The following CAMKMT variants were observed in gnomAD, a reference collection of about 807,000 sequenced individuals.
CAMKMT encodes the protein calmodulin-lysine N-methyltransferase.
CAMKMT carries 53 observed loss-of-function variants against 48.0 expected under a neutral mutation model. The observed-to-expected ratio is 1.10, with a 90% CI of 0.89 to 1.39. CAMKMT has a LOEUF of 1.39. CAMKMT is among the 40% of genes most tolerant of loss of function. The pLI is 0.00. For missense variants in CAMKMT, 428 were observed against 402.7 expected (o/e 1.06, Z -0.54); for synonymous variants, 165 against 152.3 (o/e 1.08, Z -0.61).
chr2:44,679,619 A>C (rs1288277864), intron 3 of CAMKMT, among the ~76,000 whole-genome samples: 2 of 152,242 alleles, frequency 1.3e-5, no homozygotes, highest in African/African-American at 2.4e-5. Flanking sequence ...CAGAAAACTA[A>C]TTTTAACGTT....
intron 3 of CAMKMT, among the ~76,000 whole-genome samples, chr2:44,403,905 C>G (rs187783205): frequency 6.6e-6 from 1 of 152,230 alleles, no homozygotes; most frequent in Admixed American, 6.5e-5. Context: ...TCTTTCTTCC[C>G]TAATTTCTGA....
At chr2:44,539,301 AC>A (rs1230271745) in intron 3 of CAMKMT, among the ~76,000 whole-genome samples, 12 of 144,414 alleles carry the variant, frequency 8.3e-5, no homozygotes, top group Admixed American at 5.5e-4. Context: ...AAAAAAAAAA[AC>A]CCAAAAAACT....
intron 2 of CAMKMT, among the ~76,000 whole-genome samples, chr2:44,388,731 A>G (rs919318873): frequency 2.0e-5 from 3 of 152,042 alleles, no homozygotes; most frequent in Non-Finnish European, 4.4e-5. Flanking sequence ...CCGTTTTCCT[A>G]TGGATGTGGC....
intron 3 of CAMKMT, among the ~76,000 whole-genome samples, chr2:44,678,200 A>T (rs1675824982): frequency 6.6e-6 from 1 of 152,208 alleles, no homozygotes; most frequent in Admixed American, 6.5e-5. Context: ...AAAATTTTTT[A>T]AATGCGTGAA....
chr2:44,633,848 G>T (rs955239320), intron 3 of CAMKMT, among the ~76,000 whole-genome samples: 36 of 151,986 alleles, frequency 2.4e-4, no homozygotes, highest in African/African-American at 6.5e-4. Context: ...ATTGTTGAGG[G>T]TCTGAATTTA....
chr2:44,669,981 C>A (rs546038132), intron 3 of CAMKMT, among the ~76,000 whole-genome samples: 1 of 152,256 alleles, frequency 6.6e-6, no homozygotes, highest in African/African-American at 2.4e-5. Flanking sequence ...TAATCAGCTA[C>A]TTTTCAATGA....
chr2:44,572,564 T>C (rs1668971776), intron 3 of CAMKMT, among the ~76,000 whole-genome samples: 1 of 152,252 alleles, frequency 6.6e-6, no homozygotes, highest in African/African-American at 2.4e-5. Context: ...TTCCGTCTGT[T>C]GGCTGTTACG....
intron 3 of CAMKMT, among the ~76,000 whole-genome samples, chr2:44,431,481 C>T (rs991578530): frequency 4.6e-5 from 7 of 152,100 alleles, no homozygotes; most frequent in South Asian, 2.1e-4. Flanking sequence ...TCTTCTTTCC[C>T]TGGTCTTTAT....
intron 3 of CAMKMT, among the ~76,000 whole-genome samples, chr2:44,451,878 G>T (rs1390060183): frequency 6.6e-6 from 1 of 151,270 alleles, no homozygotes; most frequent in Non-Finnish European, 1.5e-5. Context: ...TTTCTATTTT[G>T]ATTGTAATAG....
intron 3 of CAMKMT, among the ~76,000 whole-genome samples, chr2:44,517,513 C>G (rs1241751934): frequency 6.6e-6 from 1 of 152,188 alleles, no homozygotes; most frequent in African/African-American, 2.4e-5. Context: ...GCACAGAACT[C>G]TCTAATACCT....
intron 3 of CAMKMT, among the ~76,000 whole-genome samples, chr2:44,514,611 G>T (rs756297872): frequency 4.6e-5 from 7 of 152,190 alleles, no homozygotes; most frequent in Non-Finnish European, 1.5e-5. Flanking sequence ...GGCCAAGGAA[G>T]AACTATTGAG....
intron 3 of CAMKMT, among the ~76,000 whole-genome samples, chr2:44,534,887 C>G (rs1666683805): frequency 6.6e-6 from 1 of 151,680 alleles, no homozygotes; most frequent in Non-Finnish European, 1.5e-5. Context: ...CAAATCAGAA[C>G]TAAAGAATAT....
At chr2:44,692,964 C>T (rs1389602060) in intron 3 of CAMKMT, among the ~76,000 whole-genome samples, 2 of 152,132 alleles carry the variant, frequency 1.3e-5, no homozygotes, top group South Asian at 2.1e-4. Context: ...GTACATCATC[C>T]GCCCACTTAT....
intron 3 of CAMKMT, among the ~76,000 whole-genome samples, chr2:44,415,659 C>T (rs1683502745): frequency 6.6e-6 from 1 of 152,084 alleles, no homozygotes; most frequent in African/African-American, 2.4e-5. Flanking sequence ...AATGAAATCA[C>T]AGTTTAGAGA....
At chr2:44,679,504 T>C (rs193057131) in intron 3 of CAMKMT, among the ~76,000 whole-genome samples, 15 of 152,344 alleles carry the variant, frequency 9.8e-5, no homozygotes, top group African/African-American at 3.6e-4. Context: ...GGTTTATTAA[T>C]GAAGCAGTGC....
chr2:44,566,085 C>G (rs1331219874), intron 3 of CAMKMT, among the ~76,000 whole-genome samples: 1 of 152,304 alleles, frequency 6.6e-6, no homozygotes, highest in African/African-American at 2.4e-5. Context: ...TTTGTAAAAA[C>G]CAAGTATAGT....
intron 3 of CAMKMT, among the ~76,000 whole-genome samples, chr2:44,445,745 C>G (rs1136385): frequency 3.5e-5 from 5 of 141,656 alleles, no homozygotes; most frequent in African/African-American, 8.0e-5. Context: ...TAAAAGGCCT[C>G]AGGATTTTTG....
chr2:44,621,017 C>T (rs1177203731), intron 3 of CAMKMT, among the ~76,000 whole-genome samples: 1 of 152,074 alleles, frequency 6.6e-6, no homozygotes, highest in Non-Finnish European at 1.5e-5. Flanking sequence ...GCCTATAATC[C>T]CAGCACTTTG....
chr2:44,673,549 A>G (rs1284241710), intron 3 of CAMKMT, among the ~76,000 whole-genome samples: 1 of 149,510 alleles, frequency 6.7e-6, no homozygotes, highest in African/African-American at 2.5e-5. Context: ...TATACACCCA[A>G]AAACCTAAAC....
Sources: allele counts gnomAD v4.1 joint callset (sites outside exome capture counted in the v4.1 genomes callset), GRCh38; gene constraint gnomAD v4.1.1; transcripts MANE v1.5; gene names NCBI Gene and HGNC (gene_info 2026-07-23, HGNC 2026-07-21).